RIMS1: variants seen among roughly 807,000 people sequenced by gnomAD.
RIMS1 encodes the protein regulating synaptic membrane exocytosis 1.
RIMS1 carries 83 observed loss-of-function variants against 214.1 expected under a neutral mutation model. That is an observed-to-expected ratio of 0.39 (90% CI 0.32 to 0.47). The LOEUF is 0.47. Ranked by LOEUF, RIMS1 falls within the 20% of genes least tolerant of loss-of-function variation. RIMS1 has a pLI of 0.99. For synonymous variants in RIMS1, 793 were observed against 786.8 expected (o/e 1.01, Z -0.13); for missense variants, 2,050 against 2,161.8 (o/e 0.95, Z 1.03).
chr6:72,012,164 G>A (rs1810902218), intron 2 of RIMS1, among the ~76,000 whole-genome samples: 1 of 152,312 alleles, frequency 6.6e-6, no homozygotes, highest in African/African-American at 2.4e-5. Flanking sequence ...AAACTGATGA[G>A]TTCGTGTCCT....
rs563275717 is a variant in RIMS1, at chr6:72,282,915, G to A, written c.3483-1132G>A. Among the ~76,000 whole-genome samples the A allele has an allele frequency of 3.3e-5, 5 of 152,036 alleles. No individual in the cohort carries two copies. The South Asian group carries it at 1.0e-3, about 32-fold the overall frequency. On this transcript the variant is annotated intron_variant, in intron 23 of 33. Transcript: ENST00000521978. ...CACAGCTGAAACCCTGAATTGAAGGGGCAAGAGAGTGTGAACACAATTTCT... is the reference window on the plus strand; with the variant it reads ...CACAGCTGAAACCCTGAATTGAAGGAGCAAGAGAGTGTGAACACAATTTCT...
At chr6:72,397,351 T>A (rs376304573) in intron 31 of RIMS1, among the ~76,000 whole-genome samples, 1 of 152,176 alleles carries the variant, frequency 6.6e-6, no homozygotes, top group African/African-American at 2.4e-5. Context: ...TCCTTAATAA[T>A]CAAAGAAATG....
At chr6:72,044,191 C>CA (rs896622090) in intron 2 of RIMS1, among the ~76,000 whole-genome samples, 8 of 150,926 alleles carry the variant, frequency 5.3e-5, no homozygotes, top group Admixed American at 3.3e-4. Context: ...AAGAAAACAA[C>CA]AAAAAAAATT....
At chr6:72,276,321 A>G (rs1283168511) in intron 23 of RIMS1, among the ~76,000 whole-genome samples, 8 of 152,240 alleles carry the variant, frequency 5.3e-5, no homozygotes, top group Non-Finnish European at 1.2e-4. Flanking sequence ...TTGATTGAGT[A>G]TAGGAAAATT....
intron 2 of RIMS1, among the ~76,000 whole-genome samples, chr6:72,003,662 T>C (rs776330893): frequency 2.8e-4 from 43 of 151,924 alleles, no homozygotes; most frequent in Non-Finnish European, 5.3e-4. Flanking sequence ...AGAATTTACG[T>C]AGACTCTCTA....
intron 6 of RIMS1, among the ~76,000 whole-genome samples, chr6:72,225,323 C>A (rs926107495): frequency 6.6e-6 from 1 of 152,104 alleles, no homozygotes; most frequent in African/African-American, 2.4e-5. Flanking sequence ...TAAAATTCAT[C>A]TTTATTATCA....
At chr6:72,177,099 AT>A (rs1416123253) in intron 4 of RIMS1, among the ~76,000 whole-genome samples, 2 of 152,168 alleles carry the variant, frequency 1.3e-5, no homozygotes, top group Non-Finnish European at 2.9e-5. Context: ...CATCAGTATT[AT>A]TGTGCTCCTT....
chr6:72,122,885 T>C (rs9446573), intron 4 of RIMS1, among the ~76,000 whole-genome samples: 25 of 151,846 alleles, frequency 1.6e-4, no homozygotes, highest in Non-Finnish European at 4.4e-5. Context: ...TTATTAGTCT[T>C]GCTAGTGGTC....
intron 4 of RIMS1, among the ~76,000 whole-genome samples, chr6:72,126,371 C>A (rs1302710902): frequency 1.3e-5 from 2 of 152,104 alleles, no homozygotes; most frequent in Non-Finnish European, 2.9e-5. Context: ...GCAAAAAGTT[C>A]ATGACTAAGA....
At chr6:72,169,640 A>C (rs1225499336) in intron 4 of RIMS1, among the ~76,000 whole-genome samples, 1 of 152,212 alleles carries the variant, frequency 6.6e-6, no homozygotes, top group Non-Finnish European at 1.5e-5. Flanking sequence ...ACGGTGGCAC[A>C]TGCCTGTAAT....
intron 6 of RIMS1, among the ~76,000 whole-genome samples, chr6:72,222,245 C>A (rs1420191362): frequency 1.3e-5 from 2 of 151,944 alleles, no homozygotes; most frequent in Admixed American, 6.6e-5. Flanking sequence ...CTTAATTTCA[C>A]AATTTAATTC....
At chr6:72,018,497 A>G (rs1813486039) in intron 2 of RIMS1, among the ~76,000 whole-genome samples, 1 of 152,218 alleles carries the variant, frequency 6.6e-6, no homozygotes. Context: ...GGAGTTATAG[A>G]ATAGGCATTT....
At chr6:72,228,656 C>T (rs1190796953) in intron 6 of RIMS1, among the ~76,000 whole-genome samples, 2 of 151,842 alleles carry the variant, frequency 1.3e-5, no homozygotes, top group African/African-American at 2.4e-5. Context: ...AGATTCTGAT[C>T]TCAATTCCTT....
intron 1 of RIMS1, among the ~76,000 whole-genome samples, chr6:71,920,253 A>G (rs1395389976): frequency 6.6e-6 from 1 of 152,210 alleles, no homozygotes; most frequent in Non-Finnish European, 1.5e-5. Flanking sequence ...CCTGAATTGG[A>G]TTCTGGAACT....
At chr6:72,222,649 G>A (rs1220101422) in intron 6 of RIMS1, among the ~76,000 whole-genome samples, 1 of 152,006 alleles carries the variant, frequency 6.6e-6, no homozygotes, top group Admixed American at 6.6e-5. Flanking sequence ...CCAGCTTATT[G>A]TTATGATTAT....
chr6:72,357,417 G>T (rs1462397429), intron 29 of RIMS1, among the ~76,000 whole-genome samples: 1 of 152,134 alleles, frequency 6.6e-6, no homozygotes, highest in Non-Finnish European at 1.5e-5. Context: ...ATATTTTATG[G>T]GTAGAATATT....
chr6:71,994,773 A>C (rs62409467), intron 2 of RIMS1, among the ~76,000 whole-genome samples: 9 of 152,364 alleles, frequency 5.9e-5, no homozygotes, highest in Non-Finnish European at 1.0e-4. Flanking sequence ...ACATATTAAA[A>C]AGATGAGTTA....
chr6:72,025,880 C>CCAA (rs1392920949), intron 2 of RIMS1, among the ~76,000 whole-genome samples: 4 of 152,174 alleles, frequency 2.6e-5, no homozygotes, highest in Non-Finnish European at 5.9e-5. Flanking sequence ...CAAAGTGATT[C>CCAA]ACTGATATGA....
At chr6:72,178,143 C>A (rs1323215959) in intron 4 of RIMS1, among the ~76,000 whole-genome samples, 1 of 152,078 alleles carries the variant, frequency 6.6e-6, no homozygotes, top group South Asian at 2.1e-4. Flanking sequence ...AATCAATTAA[C>A]CTTCATGAAT....
Sources: allele counts gnomAD v4.1 joint callset (sites outside exome capture counted in the v4.1 genomes callset), GRCh38; gene constraint gnomAD v4.1.1; transcripts MANE v1.5; gene names NCBI Gene and HGNC (gene_info 2026-07-23, HGNC 2026-07-21).